DAB1: variants seen among roughly 807,000 people sequenced by gnomAD.
The protein encoded by DAB1 is disabled homolog 1.
Under a neutral mutation model 64.6 loss-of-function variants are expected in DAB1, and 15 were observed. That is an observed-to-expected ratio of 0.23 (90% CI 0.16 to 0.36). The LOEUF (loss-of-function observed/expected upper bound fraction) is 0.36, where lower values mean the gene tolerates loss of function less well. DAB1 is among the 10% of genes least tolerant of loss of function. DAB1 has a pLI of 1.00. For missense variants in DAB1, 596 were observed against 706.7 expected (o/e 0.84, Z 1.78); for synonymous variants, 235 against 251.9 (o/e 0.93, Z 0.64).
intron 2 of DAB1, among the ~76,000 whole-genome samples, chr1:57,272,216 T>C: frequency 6.6e-6 from 1 of 152,194 alleles, no homozygotes; most frequent in Admixed American, 6.5e-5. Flanking sequence ...GAGGCCAATG[T>C]GAAGGCTGAG....
intron 1 of DAB1, among the ~76,000 whole-genome samples, chr1:57,381,575 G>A (rs145866660): frequency 2.2e-4 from 34 of 152,074 alleles, no homozygotes; most frequent in African/African-American, 4.3e-4. Flanking sequence ...GTTCAGGTCC[G>A]GGAAGCAGCC....
chr1:57,828,494 T>C (rs1652453154), intron 1 of DAB1, among the ~76,000 whole-genome samples: 1 of 152,178 alleles, frequency 6.6e-6, no homozygotes. Context: ...GCTTTTCCCC[T>C]GTTCCAGTGA....
chr1:57,072,531 GT>G, intron 4 of DAB1, 117 bp from the exon 5 acceptor site: 1 of 1,059,684 alleles, frequency 9.4e-7, no homozygotes, highest in Non-Finnish European at 1.4e-6. Context: ...TGGAAAAGCT[GT>G]TTAGTCCAGA....
chr1:57,648,490 C>T (rs1570704130), intron 7 of DAB1, among the ~76,000 whole-genome samples: 1 of 152,166 alleles, frequency 6.6e-6, no homozygotes. Context: ...GCCTCCTCAC[C>T]AGGTCACTTA....
chr1:57,629,735 G>GAAA lies in DAB1; in HGVS notation n.625+19854_625+19856dup, dbSNP rs35634554. ...AGATCTCCAGGTAGCTCAAGAACTT[G>GAAA]AAAAAAAAAAAAAACTGAACTGATT... On this transcript the variant is annotated intron_variant and non_coding_transcript_variant, in intron 7 of 20. Coordinates refer to the DAB1 transcript ENST00000485760. Among the ~76,000 whole-genome samples, 782 of 143,204 alleles carry GAAA rather than the reference G, an allele frequency of 5.5e-3. 5 individuals carry two copies. Among genetic ancestry groups the GAAA allele is most frequent in the South Asian group, 0.012 (54 of 4,452 alleles). The allele number at this position is 143,204 out of a possible 152,430, so 93.9% of individuals were successfully genotyped here.
upstream of DAB1, among the ~76,000 whole-genome samples, chr1:57,887,595 A>T (rs1218922859): frequency 6.6e-6 from 1 of 152,214 alleles, no homozygotes; most frequent in African/African-American, 2.4e-5. Context: ...CACACTGGCA[A>T]GCTATTGATG....
chr1:58,400,168 G>T (rs1454830211), intron 3 of DAB1, among the ~76,000 whole-genome samples: 1 of 151,562 alleles, frequency 6.6e-6, no homozygotes, highest in Non-Finnish European at 1.5e-5. Flanking sequence ...GCCTTTCTCT[G>T]CATCTCGTTT....
At chr1:58,068,198 G>A (rs1312908439) in intron 5 of DAB1, among the ~76,000 whole-genome samples, 2 of 152,220 alleles carry the variant, frequency 1.3e-5, no homozygotes, top group Non-Finnish European at 2.9e-5. Flanking sequence ...GGCACATAGA[G>A]GCTGGCAGCC....
At chr1:58,248,380 G>C (rs928905865) in intron 4 of DAB1, among the ~76,000 whole-genome samples, 3 of 152,168 alleles carry the variant, frequency 2.0e-5, no homozygotes, top group African/African-American at 7.2e-5. Flanking sequence ...CAGCACTGCA[G>C]GGGATTTCAG....
At chr1:58,540,690 G>A (rs1646592696) in intron 1 of DAB1, among the ~76,000 whole-genome samples, 1 of 146,992 alleles carries the variant, frequency 6.8e-6, no homozygotes, top group Admixed American at 7.1e-5. Context: ...CATCTAAAAT[G>A]AAATACAGAG....
At chr1:58,363,873 T>A (rs917185110) in intron 3 of DAB1, among the ~76,000 whole-genome samples, 2 of 152,222 alleles carry the variant, frequency 1.3e-5, no homozygotes, top group Admixed American at 6.5e-5. Context: ...CTTATCTCCC[T>A]TCTAGCCCCG....
At chr1:57,839,295 A>G (rs1159920570) in intron 1 of DAB1, among the ~76,000 whole-genome samples, 1 of 152,246 alleles carries the variant, frequency 6.6e-6, no homozygotes, top group Non-Finnish European at 1.5e-5. Context: ...CCAGCATTTC[A>G]CTAAGTGACT....
At chr1:57,756,826 C>T (rs905614874) in intron 6 of DAB1, among the ~76,000 whole-genome samples, 1 of 149,530 alleles carries the variant, frequency 6.7e-6, no homozygotes, top group Non-Finnish European at 1.5e-5. Flanking sequence ...GGTCCAAACC[C>T]TGTAATCTTT....
At chr1:57,593,404 C>T (rs944623194) in intron 7 of DAB1, among the ~76,000 whole-genome samples, 4 of 152,150 alleles carry the variant, frequency 2.6e-5, no homozygotes. Context: ...TCCATGCATC[C>T]ATCAATGAAC....
chr1:58,174,618 C>T (rs1223570523), intron 4 of DAB1, among the ~76,000 whole-genome samples: 1 of 152,172 alleles, frequency 6.6e-6, no homozygotes, highest in Non-Finnish European at 1.5e-5. Context: ...GTGAAGCCAG[C>T]TGGGCTTCTG....
intron 1 of DAB1, among the ~76,000 whole-genome samples, chr1:58,546,118 GT>G (rs1646699967): frequency 6.6e-6 from 1 of 152,220 alleles, no homozygotes; most frequent in African/African-American, 2.4e-5. Context: ...AGTGAGTTCT[GT>G]AGACGAGTTT....
intron 5 of DAB1, among the ~76,000 whole-genome samples, chr1:58,146,641 T>C (rs752541078): frequency 1.3e-5 from 2 of 152,200 alleles, no homozygotes; most frequent in Non-Finnish European, 2.9e-5. Flanking sequence ...CTTAGCATAA[T>C]GTCCTCCAAG....
intron 6 of DAB1, among the ~76,000 whole-genome samples, chr1:57,721,409 A>G (rs1185543022): frequency 6.6e-6 from 1 of 152,250 alleles, no homozygotes; most frequent in Non-Finnish European, 1.5e-5. Context: ...ATTTTCACCA[A>G]AAACATAGTT....
At chr1:57,227,106 T>A (rs1667326308) in intron 2 of DAB1, among the ~76,000 whole-genome samples, 1 of 151,730 alleles carries the variant, frequency 6.6e-6, no homozygotes, top group Non-Finnish European at 1.5e-5. Flanking sequence ...GCCCAGGAGG[T>A]CAAGTCTGCA....
Sources: gnomAD v4.1 joint callset for allele counts (sites outside exome capture counted in the v4.1 genomes callset) on GRCh38, gnomAD v4.1.1 for gene constraint, MANE v1.5 for transcripts, NCBI Gene and HGNC (gene_info 2026-07-23, HGNC 2026-07-21) for gene names.